TM9SF3: variants seen among roughly 807,000 people sequenced by gnomAD.
TM9SF3 encodes transmembrane 9 superfamily member 3, also known as SM-11044-binding protein.
Under a neutral mutation model 78.6 loss-of-function variants are expected in TM9SF3, and 14 were observed. The observed-to-expected ratio is 0.18, with a 90% CI of 0.12 to 0.28. TM9SF3 has a LOEUF of 0.28. TM9SF3 is among the 10% of genes least tolerant of loss of function. The pLI, the probability that TM9SF3 is intolerant of heterozygous loss-of-function variation, is 1.00. For missense variants in TM9SF3, 496 were observed against 721.9 expected (o/e 0.69, Z 3.59); for synonymous variants, 231 against 241.7 (o/e 0.96, Z 0.41).
intron 3 of TM9SF3, among the ~76,000 whole-genome samples, chr10:96,564,755 A>G (rs1388406293): frequency 6.6e-6 from 1 of 152,248 alleles, no homozygotes; most frequent in Admixed American, 6.5e-5. Context: ...CATTATAAAT[A>G]ATTTAATCAA....
In TM9SF3 at chr10:96,548,049, T is replaced by G. The variant is rs1848123057; in HGVS notation, c.960-60A>C. ...CAACAATTTAAAGAAAACATCATAG[T>G]CTATTATATTAGCATTAGTTTAATT... On this transcript the variant is annotated intron_variant, in intron 7 of 14. Coordinates refer to ENST00000371142, the MANE Select transcript of TM9SF3 (RefSeq NM_020123.4). The G allele has an allele frequency of 4.7e-6, 5 of 1,070,212 alleles. No individual in the cohort carries two copies. The South Asian group carries it at 7.4e-5, about 16-fold the overall frequency. 66.3% of individuals were successfully genotyped at this position (1,070,212 alleles called of 1,614,324 possible).
intron 1 of TM9SF3, among the ~76,000 whole-genome samples, chr10:96,578,524 TA>T (rs1379903758): frequency 2.0e-5 from 3 of 152,228 alleles, no homozygotes; most frequent in African/African-American, 7.2e-5. Flanking sequence ...CAACTGTAGA[TA>T]ATCTTCACAT....
Position 96,519,705 on chromosome 10 carries a change from A to C in TM9SF3, c.*2558T>G, listed in dbSNP as rs765064703. On this transcript the variant is annotated 3_prime_UTR_variant, in exon 15 of 15. Transcript: ENST00000371142. The stretch of plus-strand genomic sequence containing the variant: ...CCTCACCTTTCAATTAACTTGAATA[A>C]TGTTCTATTTTCTATTCTACAACTG... 6.6e-6 allele frequency: 1 copy of C among 151,962 alleles called. No individual in the cohort carries two copies. Among genetic ancestry groups the C allele is most frequent in the East Asian group, 1.9e-4 (1 of 5,200 alleles). The allele number at this position is 151,962 out of a possible 1,614,324, so 9.4% of individuals were successfully genotyped here.
chr10:96,556,052 T>A (rs1157992071), intron 5 of TM9SF3, among the ~76,000 whole-genome samples: 1 of 152,216 alleles, frequency 6.6e-6, no homozygotes, highest in Non-Finnish European at 1.5e-5. Flanking sequence ...AGTAATAACC[T>A]GAAATTTTGT....
Position 96,528,125 on chromosome 10 carries a change from A to C in TM9SF3, c.1447T>G (p.Phe483Val). The C allele has an allele frequency of 6.2e-7, 1 of 1,612,870 alleles. No individual in the cohort carries two copies. Among genetic ancestry groups the C allele is most frequent in the Non-Finnish European group, 8.5e-7 (1 of 1,179,050 alleles). The change falls in exon 12 of 15, where the codon TTC becomes GTC. Residue 483 changes from phenylalanine (F) to valine (V), a missense_variant. Around this residue, in one of 4 missense-constraint regions of TM9SF3, gnomAD observed 280 missense variants for 422.6 expected, o/e 0.66. Transcript: ENST00000371142. The stretch of plus-strand genomic sequence containing the variant: ...AGGATAACCAGCACCAGCATCATGA[A>C]GCCATAGACATAATAGATCTTATAT... ...WAYKIYYVYG[F>V]MMLVLVILCI...
At chr10:96,547,842 G>A (rs1053272563) in intron 8 of TM9SF3, 53 bp downstream of exon 8, 1 of 1,460,554 alleles carries the variant, frequency 6.8e-7, no homozygotes, top group South Asian at 1.2e-5. Context: ...AAATCTCATA[G>A]TAAAATATTA....
chr10:96,530,108 T>C (rs1434102855), intron 11 of TM9SF3, among the ~76,000 whole-genome samples: 1 of 152,202 alleles, frequency 6.6e-6, no homozygotes, highest in Non-Finnish European at 1.5e-5. Flanking sequence ...CCTGCAGGCC[T>C]CTATGGAAGG....
chr10:96,580,565 C>T (rs1488267365), intron 1 of TM9SF3, among the ~76,000 whole-genome samples: 2 of 152,082 alleles, frequency 1.3e-5, no homozygotes, highest in Non-Finnish European at 2.9e-5. Flanking sequence ...TGCGCCTGGC[C>T]CCACTTCATC....
At chr10:96,554,588 C>G (rs185005647) in intron 5 of TM9SF3, among the ~76,000 whole-genome samples, 1 of 152,288 alleles carries the variant, frequency 6.6e-6, no homozygotes, top group East Asian at 1.9e-4. Flanking sequence ...AAGCTCCAGT[C>G]TTAGTACTCT....
intron 14 of TM9SF3, among the ~76,000 whole-genome samples, chr10:96,523,779 A>G (rs1246328985): frequency 6.6e-6 from 1 of 151,966 alleles, no homozygotes; most frequent in African/African-American, 2.4e-5. Flanking sequence ...TTTTAAAAAT[A>G]AACTGCAAGT....
intron 9 of TM9SF3, among the ~76,000 whole-genome samples, chr10:96,537,557 G>A (rs535095551): frequency 1.3e-5 from 2 of 152,324 alleles, no homozygotes; most frequent in Admixed American, 1.3e-4. Flanking sequence ...AAATGGCCGG[G>A]CATGGTGGCT....
In TM9SF3 at chr10:96,586,736, T is replaced by C; in HGVS notation, c.100A>G (p.Thr34Ala). Residue 34 changes from threonine to alanine, a missense_variant and splice_region_variant, in exon 1 of 15, where the codon ACG (threonine) becomes GCG (alanine). By Grantham distance (58) the Thr-to-Ala change is moderately conservative. Transcript: ENST00000371142. ...CCGCGCCGGCCGGGGCGCCTCACCG[T>C]GTGTTCGTGCTCGTCCGCCCGGGTC... ...PRTRADEHEH[T>A]YQDKEEVVLW... 8.0e-7 allele frequency: 1 copy of C among 1,242,320 alleles called. No individual in the cohort carries two copies. The highest frequency in any genetic ancestry group is 1.0e-6 in the Non-Finnish European group (1 of 995,068). 77.0% of individuals were successfully genotyped at this position (1,242,320 alleles called of 1,614,324 possible).
At chr10:96,571,564 G>C (rs920348006) in intron 2 of TM9SF3, among the ~76,000 whole-genome samples, 15 of 152,174 alleles carry the variant, frequency 9.9e-5, no homozygotes, top group Admixed American at 8.5e-4. Flanking sequence ...CAGATATCTG[G>C]AGGGAAATAC....
rs549168896 is a variant in TM9SF3, at chr10:96,567,125, T to C, written c.299-1699A>G. Among the ~76,000 whole-genome samples, 7 of 140,818 alleles carry C rather than the reference T, an allele frequency of 5.0e-5. No individual in the cohort carries two copies. The East Asian group carries it at 1.5e-3, about 29-fold the overall frequency. The allele number at this position is 140,818 out of a possible 152,430, so 92.4% of individuals were successfully genotyped here. A position where few individuals can be genotyped will look rare whatever the true frequency, so the allele number is the denominator to read the frequency against. On this transcript the variant is annotated intron_variant, in intron 2 of 14. Transcript: ENST00000371142. ...TTGAGACGGAGTTTCACTCTTGTTG[T>C]CCAAGCTGGAGTGCAATGGTGAGAT...
chr10:96,534,195 T>C (rs1200913744), intron 9 of TM9SF3, among the ~76,000 whole-genome samples: 1 of 152,130 alleles, frequency 6.6e-6, no homozygotes, highest in African/African-American at 2.4e-5. Flanking sequence ...TCCTTTTGTG[T>C]GTGTATATGT....
In TM9SF3 at chr10:96,562,061, C is replaced by T. The variant is rs1848314638; in HGVS notation, c.499G>A (p.Gly167Arg). ...TYKKLEIGFNGNRIVDVNLTS... is the reference protein window; with the variant it reads ...TYKKLEIGFNRNRIVDVNLTS... ...AGATTAACATCAACAATTCGATTTC[C>T]ATTAAAACCTATTTCAAGTTTTTTA... Residue 167 changes from glycine (G) to arginine (R), a missense_variant, in exon 4 of 15, where the codon GGA (glycine) becomes AGA (arginine). By Grantham distance (125) the Gly-to-Arg change is moderately radical. This residue lies in a region of TM9SF3 where 155 missense variants were observed against 241.6 expected (regional missense o/e 0.64). Transcript: ENST00000371142. 6.2e-7 allele frequency: 1 copy of T among 1,613,314 alleles called. No individual in the cohort carries two copies. Among genetic ancestry groups the T allele is most frequent in the Admixed American group, 1.7e-5 (1 of 59,950 alleles).
intron 10 of TM9SF3, among the ~76,000 whole-genome samples, chr10:96,532,827 TTAACTC>T (rs1322064772): frequency 6.6e-6 from 1 of 152,190 alleles, no homozygotes; most frequent in Admixed American, 6.5e-5. Context: ...AGCATTTGAC[TTAACTC>T]TAAATGGCAC....
chr10:96,532,710 T>A (rs1391281562), intron 10 of TM9SF3, among the ~76,000 whole-genome samples: 2 of 152,218 alleles, frequency 1.3e-5, no homozygotes, highest in African/African-American at 4.8e-5. Flanking sequence ...TGGGCATGGC[T>A]GAGTTCCAAC....
intron 2 of TM9SF3, among the ~76,000 whole-genome samples, chr10:96,572,918 ATTAGAG>A (rs144525241): frequency 0.01 from 1,575 of 152,188 alleles, 28 homozygotes; most frequent in African/African-American, 0.035. Context: ...GGCATCCTGT[ATTAGAG>A]TTAGACTATC....
Sources: allele counts gnomAD v4.1 joint callset (sites outside exome capture counted in the v4.1 genomes callset), GRCh38; gene constraint gnomAD v4.1.1; regional missense constraint gnomAD v4.1.1; transcripts MANE v1.5; gene names NCBI Gene and HGNC (gene_info 2026-07-23, HGNC 2026-07-21).